AGBL1: variants seen among roughly 807,000 people sequenced by gnomAD.
AGBL1 encodes the protein cytosolic carboxypeptidase 4.
AGBL1 carries 130 observed loss-of-function variants against 118.9 expected under a neutral mutation model. The observed-to-expected ratio is 1.09, with a 90% CI of 0.95 to 1.26. AGBL1 has a LOEUF of 1.26. Ranked by LOEUF, AGBL1 falls within the 50% of genes most tolerant of loss-of-function variation. The pLI, the probability that AGBL1 is intolerant of heterozygous loss-of-function variation, is 0.00. For missense variants in AGBL1, 1,584 were observed against 1,298.1 expected (o/e 1.22, Z -3.38); for synonymous variants, 555 against 478.9 (o/e 1.16, Z -2.08).
chr15:86,608,695 T>C (rs1484585287), intron 21 of AGBL1, among the ~76,000 whole-genome samples: 6 of 152,156 alleles, frequency 3.9e-5, no homozygotes, highest in Non-Finnish European at 7.4e-5. Context: ...ACTCTGCCCA[T>C]TGAAAAGAAC....
chr15:86,749,517 A>G (rs375536911), intron 22 of AGBL1, among the ~76,000 whole-genome samples: 33,785 of 151,034 alleles, frequency 0.22, 3,867 homozygotes, highest in East Asian at 0.28. Flanking sequence ...TCTCCTGCCT[A>G]ATTGCCCTGG....
At chr15:86,842,536 G>A (rs1294477829) in intron 22 of AGBL1, among the ~76,000 whole-genome samples, 1 of 152,148 alleles carries the variant, frequency 6.6e-6, no homozygotes, top group East Asian at 1.9e-4. Context: ...AATGGTATGG[G>A]AACATTCCAC....
intron 23 of AGBL1, among the ~76,000 whole-genome samples, chr15:86,948,891 T>C (rs900360342): frequency 2.6e-5 from 4 of 152,254 alleles, no homozygotes; most frequent in Non-Finnish European, 4.4e-5. Context: ...AGGCCCTGGA[T>C]ACCACTTTTT....
chr15:86,995,203 C>T (rs2081369008), intron 24 of AGBL1, among the ~76,000 whole-genome samples: 1 of 151,978 alleles, frequency 6.6e-6, no homozygotes, highest in Non-Finnish European at 1.5e-5. Flanking sequence ...CCTGGACAAC[C>T]TAGAGAGACT....
intron 18 of AGBL1, among the ~76,000 whole-genome samples, chr15:86,506,440 A>G (rs1449696327): frequency 2.0e-5 from 3 of 152,002 alleles, no homozygotes; most frequent in Non-Finnish European, 4.4e-5. Context: ...TTTTCAACAA[A>G]TGCCCATGGG....
chr15:86,446,096 A>C (rs1452108844), intron 18 of AGBL1, among the ~76,000 whole-genome samples: 1 of 152,168 alleles, frequency 6.6e-6, no homozygotes, highest in East Asian at 1.9e-4. Context: ...AGCTGGGAGA[A>C]GATAGGAAAA....
intron 5 of AGBL1, among the ~76,000 whole-genome samples, chr15:86,187,262 C>T (rs948559833): frequency 1.1e-4 from 17 of 152,240 alleles, no homozygotes; most frequent in African/African-American, 4.1e-4. Context: ...TTTTTTAAAG[C>T]GGAAGATCCC....
chr15:86,684,463 C>CTTTTTTTTTTTTTTTTTTTTTTT, intron 22 of AGBL1, among the ~76,000 whole-genome samples: 1 of 145,996 alleles, frequency 6.8e-6, no homozygotes, highest in Non-Finnish European at 1.5e-5. Context: ...ATAGTTCTCT[C>CTTTTTTTTTTTTTTTTTTTTTTT]TTTTTTTTTT....
rs1326971828 is a variant in AGBL1, at chr15:86,864,773, G to A, written c.3159-42314G>A. Among the ~76,000 whole-genome samples the A allele has an allele frequency of 7.2e-5, 11 of 152,284 alleles. No individual in the cohort carries two copies. The South Asian group carries it at 1.2e-3, about 17-fold the overall frequency. ...TCAAAGAGCCTACCAGGAGCTAGGC[G>A]TCAGGAGTTACGATGCACAATCAAC... On this transcript the variant is annotated intron_variant, in intron 22 of 22. Coordinates refer to ENST00000614907, the MANE Select transcript of AGBL1 (RefSeq NM_001386094.1).
upstream of AGBL1, chr15:86,079,663 C>G (rs1405221628): frequency 3.2e-5 from 8 of 251,912 alleles, no homozygotes; most frequent in Non-Finnish European, 6.1e-5. Context: ...TTCTCCTTTG[C>G]TCTGCTCCTG....
intron 17 of AGBL1, among the ~76,000 whole-genome samples, chr15:86,348,852 T>C (rs911035449): frequency 2.0e-5 from 3 of 151,186 alleles, no homozygotes; most frequent in African/African-American, 7.3e-5. Flanking sequence ...AGTTGAATAG[T>C]GCCCCTCCCA....
intron 23 of AGBL1, among the ~76,000 whole-genome samples, chr15:86,984,111 T>C (rs1330757115): frequency 2.0e-5 from 3 of 152,154 alleles, no homozygotes; most frequent in Non-Finnish European, 4.4e-5. Context: ...ATTCCCAACG[T>C]GTTAGTACTC....
At chr15:86,124,530 T>G (rs2141590779) in intron 1 of AGBL1, among the ~76,000 whole-genome samples, 1 of 152,250 alleles carries the variant, frequency 6.6e-6, no homozygotes, top group Admixed American at 6.5e-5. Flanking sequence ...AAAATTATTC[T>G]AAATTAAAAA....
At chr15:86,848,638 T>C (rs1279523291) in intron 22 of AGBL1, among the ~76,000 whole-genome samples, 1 of 152,198 alleles carries the variant, frequency 6.6e-6, no homozygotes, top group African/African-American at 2.4e-5. Flanking sequence ...CCTAAGACTA[T>C]ATCATCCTTT....
chr15:86,984,357 TTC>T (rs148347288), intron 23 of AGBL1, among the ~76,000 whole-genome samples: 76,605 of 133,000 alleles, frequency 0.58, 21,721 homozygotes, highest in South Asian at 0.75. Flanking sequence ...TTCCATTTTT[TTC>T]TCTCTTTTTT....
At chr15:86,225,112 T>C (rs1271324550) in intron 6 of AGBL1, among the ~76,000 whole-genome samples, 161 bp downstream of exon 6, 1 of 151,756 alleles carries the variant, frequency 6.6e-6, no homozygotes, top group Non-Finnish European at 1.5e-5. Context: ...TAAAGTCATG[T>C]CGTGGGTCTT....
chr15:86,627,555 C>T (rs940230033), intron 21 of AGBL1, among the ~76,000 whole-genome samples: 1 of 152,008 alleles, frequency 6.6e-6, no homozygotes, highest in Non-Finnish European at 1.5e-5. Flanking sequence ...AACGAAGGTG[C>T]TGTTAGGATA....
At chr15:86,617,760 GCACA>G (rs5814253) in intron 21 of AGBL1, among the ~76,000 whole-genome samples, 5,193 of 146,530 alleles carry the variant, frequency 0.035, 194 homozygotes, top group African/African-American at 0.096. Flanking sequence ...AACTTTATGC[GCACA>G]CACACACACA....
At chr15:86,692,713 G>A (rs535117774) in intron 22 of AGBL1, among the ~76,000 whole-genome samples, 91 of 152,172 alleles carry the variant, frequency 6.0e-4, no homozygotes, top group African/African-American at 2.0e-3. Flanking sequence ...CATCACCTGA[G>A]CAGTATACAC....
Sources: allele counts gnomAD v4.1 joint callset (sites outside exome capture counted in the v4.1 genomes callset), GRCh38; gene constraint gnomAD v4.1.1; transcripts MANE v1.5; gene names NCBI Gene and HGNC (gene_info 2026-07-23, HGNC 2026-07-21).